The following LRRTM4 variants were observed in gnomAD, a reference collection of about 807,000 sequenced individuals.
LRRTM4 encodes leucine rich repeat transmembrane neuronal 4.
In LRRTM4, 25 loss-of-function variants were observed where a neutral mutation model predicts 47.6. That is an observed-to-expected ratio of 0.53 (90% confidence interval 0.38 to 0.73). The LOEUF (loss-of-function observed/expected upper bound fraction) is 0.73. LRRTM4 is among the 30% of genes least tolerant of loss of function. The pLI is 0.00. For synonymous variants in LRRTM4, 311 were observed against 269.5 expected (o/e 1.15, Z -1.51); for missense variants, 638 against 713.4 (o/e 0.89, Z 1.20).
At chr2:76,999,844 CTT>C (rs2104019382) in intron 3 of LRRTM4, among the ~76,000 whole-genome samples, 1 of 152,214 alleles carries the variant, frequency 6.6e-6, no homozygotes, top group East Asian at 1.9e-4. Context: ...AGATTCCAAA[CTT>C]TTATAAAACT....
Position 77,151,359 on chromosome 2 carries a change from T to C in LRRTM4, c.1551+366959A>G, listed in dbSNP as rs537179086. Among the ~76,000 whole-genome samples the C allele has an allele frequency of 4.9e-4, 75 of 152,308 alleles. 1 individual carries two copies. The South Asian group carries it at 0.015, about 30-fold the overall frequency. ...CTCAATCCCCTGGCAACCCCTATTG[T>C]ATTTACTAATTCTATAAGTTTGACC... On this transcript the variant is annotated intron_variant, in intron 3 of 3. Transcript: ENST00000409884.
At chr2:77,206,177 C>CT (rs1674119647) in intron 3 of LRRTM4, among the ~76,000 whole-genome samples, 2 of 123,472 alleles carry the variant, frequency 1.6e-5, no homozygotes, top group African/African-American at 3.0e-5. Context: ...TTTCAAAATT[C>CT]TATTTTTTTT....
intron 3 of LRRTM4, among the ~76,000 whole-genome samples, chr2:76,962,457 AAGAG>A (rs763172069): frequency 1.5e-4 from 22 of 150,954 alleles, no homozygotes; most frequent in East Asian, 1.4e-3. Context: ...AGAGATGGAG[AAGAG>A]AGAGAGGTAT....
chr2:77,180,482 C>T (rs1673317499), intron 3 of LRRTM4, among the ~76,000 whole-genome samples: 1 of 152,156 alleles, frequency 6.6e-6, no homozygotes, highest in African/African-American at 2.4e-5. Flanking sequence ...CTGTATAAGT[C>T]CTTCTCTTTG....
At chr2:77,224,605 A>T (rs939674842) in intron 3 of LRRTM4, among the ~76,000 whole-genome samples, 6 of 152,078 alleles carry the variant, frequency 3.9e-5, no homozygotes, top group Admixed American at 3.3e-4. Context: ...AAAAACACAT[A>T]AAAAAATGCT....
At chr2:77,400,377 C>A (rs1485906705) in intron 3 of LRRTM4, among the ~76,000 whole-genome samples, 1 of 151,740 alleles carries the variant, frequency 6.6e-6, no homozygotes, top group East Asian at 1.9e-4. Context: ...TCATTGATTT[C>A]TTTATTTCTC....
intron 3 of LRRTM4, among the ~76,000 whole-genome samples, chr2:77,100,877 T>G (rs773377678): frequency 1.9e-4 from 29 of 149,038 alleles, no homozygotes; most frequent in Admixed American, 1.0e-3. Context: ...TGACAGAGTC[T>G]TACTCTGGAG....
chr2:77,058,208 G>A (rs970107785), intron 3 of LRRTM4, among the ~76,000 whole-genome samples: 8 of 152,104 alleles, frequency 5.3e-5, no homozygotes, highest in African/African-American at 1.9e-4. Context: ...TCATTTCATA[G>A]GTCACAAATC....
chr2:77,246,939 A>G (rs1288592807), intron 3 of LRRTM4, among the ~76,000 whole-genome samples: 1 of 152,086 alleles, frequency 6.6e-6, no homozygotes, highest in African/African-American at 2.4e-5. Context: ...ATATAGTACT[A>G]TTCCCAGAGG....
intron 3 of LRRTM4, among the ~76,000 whole-genome samples, chr2:76,908,857 T>C (rs945826630): frequency 4.6e-5 from 7 of 152,114 alleles, no homozygotes; most frequent in Admixed American, 2.6e-4. Context: ...TACAAACAAA[T>C]GGAAGAACAT....
In LRRTM4 at chr2:77,292,317, T is replaced by C. The variant is rs1362175101; in HGVS notation, c.1551+226001A>G. ...TTCCTCAGGGATCTAGAACTAGAAATACCATTTGACCCAGCCATCCCATTA... is the reference window on the plus strand; with the variant it reads ...TTCCTCAGGGATCTAGAACTAGAAACACCATTTGACCCAGCCATCCCATTA... On this transcript the variant is annotated intron_variant, in intron 3 of 3. Transcript: ENST00000409884. Among the ~76,000 whole-genome samples, 24 of 151,328 alleles carry C rather than the reference T, an allele frequency of 1.6e-4. No individual in the cohort carries two copies. In the South Asian group the frequency reaches 4.4e-3, roughly 28 times the overall value.
chr2:77,168,773 C>T (rs552391965), intron 3 of LRRTM4, among the ~76,000 whole-genome samples: 7 of 152,212 alleles, frequency 4.6e-5, no homozygotes, highest in South Asian at 4.1e-4. Flanking sequence ...TCAGTCCCCA[C>T]GTATGAATGA....
Position 77,445,318 on chromosome 2 carries a change from T to C in LRRTM4, c.1551+73000A>G, listed in dbSNP as rs190243778. Among the ~76,000 whole-genome samples, 209 of 152,010 alleles carry C rather than the reference T, an allele frequency of 1.4e-3. 1 individual carries two copies. The highest frequency in any genetic ancestry group is 4.8e-3 in the African/African-American group (200 of 41,494). On this transcript the variant is annotated intron_variant, in intron 3 of 3. Transcript: ENST00000409884. ...CAACACATGTGGCATATTTAGAAGA[T>C]TGTTTGATATCTAGTAGGTCTCAGT...
At chr2:76,905,716 C>T (rs1013084508) in intron 3 of LRRTM4, among the ~76,000 whole-genome samples, 236 of 148,642 alleles carry the variant, frequency 1.6e-3, no homozygotes, top group African/African-American at 5.5e-3. Context: ...CCTCAGGAGC[C>T]GATGCGATCA....
At chr2:77,237,200 T>G (rs752769147) in intron 3 of LRRTM4, among the ~76,000 whole-genome samples, 6 of 151,814 alleles carry the variant, frequency 4.0e-5, no homozygotes, top group Non-Finnish European at 8.8e-5. Flanking sequence ...GGTTTTTTCA[T>G]TACTGCTTCA....
chr2:76,771,746 TCTCCTCA>T (rs937893731), intron 3 of LRRTM4, among the ~76,000 whole-genome samples: 6 of 152,050 alleles, frequency 3.9e-5, no homozygotes, highest in Admixed American at 2.0e-4. Flanking sequence ...AGAAGATCTT[TCTCCTCA>T]CATACCCAAG....
intron 3 of LRRTM4, among the ~76,000 whole-genome samples, chr2:77,362,262 T>C (rs1672273260): frequency 6.6e-6 from 1 of 152,156 alleles, no homozygotes. Context: ...CCGGAGTCCA[T>C]AGTCTTAACA....
chr2:77,173,797 C>T (rs1044321978), intron 3 of LRRTM4, among the ~76,000 whole-genome samples: 3 of 152,146 alleles, frequency 2.0e-5, no homozygotes, highest in Admixed American at 6.5e-5. Context: ...CCATCAGCCC[C>T]TTCCCCCAAG....
At chr2:77,260,687 C>T (rs1440042068) in intron 3 of LRRTM4, among the ~76,000 whole-genome samples, 3 of 147,142 alleles carry the variant, frequency 2.0e-5, no homozygotes, top group African/African-American at 8.2e-5. Context: ...GCAATAAATG[C>T]TGTCAAAACA....
Sources: gnomAD v4.1 joint callset for allele counts (sites outside exome capture counted in the v4.1 genomes callset) on GRCh38, gnomAD v4.1.1 for gene constraint, MANE v1.5 for transcripts, NCBI Gene and HGNC (gene_info 2026-07-23, HGNC 2026-07-21) for gene names.